WASHC2A: variants seen among roughly 807,000 people sequenced by gnomAD.
WASHC2A encodes the protein WASH complex subunit 2A, also known as WASH complex subunit FAM21A.
A neutral mutation model predicts 140.3 loss-of-function variants in WASHC2A; 82 were observed. The ratio of observed to expected loss-of-function variants is 0.58; its 90% CI spans 0.49 to 0.70. WASHC2A has a LOEUF of 0.70. WASHC2A is among the 30% of genes least tolerant of loss of function. The pLI is 0.00. For synonymous variants in WASHC2A, 340 were observed against 560.8 expected, an observed-to-expected ratio of 0.61 and a Z score of 5.56; for missense variants, 985 against 1,521.8, an observed-to-expected ratio of 0.65 and a Z score of 5.87.
At chr10:50,108,889 G>GAAA (rs1182148936) in intron 19 of WASHC2A, among the ~76,000 whole-genome samples, 40 of 75,582 alleles carry the variant, frequency 5.3e-4, no homozygotes, top group East Asian at 1.7e-3. Context: ...CTCGAAAAAG[G>GAAA]AAAAAAAAAA....
intron 3 of WASHC2A, among the ~76,000 whole-genome samples, chr10:50,071,472 A>AT (rs1837807117): frequency 6.6e-6 from 1 of 151,736 alleles, no homozygotes; most frequent in African/African-American, 2.4e-5. Flanking sequence ...CGCCTGGCTA[A>AT]TTTTTTGTAT....
Position 50,095,643 on chromosome 10 carries a change from G to T in WASHC2A, c.1285G>T (p.Glu429Ter), listed in dbSNP as rs1554884473. 6.2e-7 allele frequency: 1 copy of T among 1,611,726 alleles called. No homozygotes were observed. The highest frequency in any genetic ancestry group is 8.5e-7 in the Non-Finnish European group (1 of 1,179,808). ...TGCTGCCTCCGTTCCATCAATGAAG[G>T]AGCCACAGAAGCCTGAGCAGCCCAC... ...FGAASVPSMKEPQKPEQPTPR... is the reference protein window; with the variant it reads ...FGAASVPSMK The change falls in exon 15 of 31, where the codon GAG (glutamate) becomes TAG (stop). Residue 429 changes from glutamate to a stop codon, truncating the protein, a stop_gained. Coordinates refer to ENST00000282633, the MANE Select transcript of WASHC2A (RefSeq NM_001005751.3). LOFTEE classifies it high-confidence loss of function.
chr10:50,111,934 A>T (rs1842321822), intron 20 of WASHC2A, among the ~76,000 whole-genome samples: 1 of 152,172 alleles, frequency 6.6e-6, no homozygotes, highest in African/African-American at 2.4e-5. Context: ...AGGCTGAGGC[A>T]GGAGAATTGC....
At chr10:50,090,059 G>A (rs1264046962) in intron 8 of WASHC2A, among the ~76,000 whole-genome samples, 1 of 151,582 alleles carries the variant, frequency 6.6e-6, no homozygotes, top group South Asian at 2.1e-4. Flanking sequence ...GCAGTGAGCC[G>A]AGATCACCCC....
At chr10:50,099,107 C>T (rs1461076359) in intron 16 of WASHC2A, among the ~76,000 whole-genome samples, 5 of 152,126 alleles carry the variant, frequency 3.3e-5, no homozygotes, top group South Asian at 4.2e-4. Flanking sequence ...AATCTGTTAG[C>T]GGGCACAAAC....
intron 17 of WASHC2A, 103 bp downstream of exon 17, chr10:50,100,167 T>C (rs1840966540): frequency 1.6e-5 from 23 of 1,446,372 alleles, no homozygotes; most frequent in Non-Finnish European, 2.2e-5. Flanking sequence ...GACTTTTTGT[T>C]AAGTACTCCA....
chr10:50,129,771 G>A lies in WASHC2A; in HGVS notation c.3440G>A (p.Arg1147Lys). 6.2e-7 allele frequency: 1 copy of A among 1,612,034 alleles called. No individual in the cohort carries two copies. The highest frequency in any genetic ancestry group is 1.7e-5 in the Admixed American group (1 of 60,018). The change falls in exon 29 of 31, where the codon AGA becomes AAA. Residue 1147 changes from arginine to lysine, a missense_variant. Transcript: ENST00000282633. ...STGTGSQSVE[R>K]TKPKAKIAEN... ...GGCACTGGATCTCAGTCTGTGGAGA[G>A]AACAAAACCCAAGGCAAAGATAGCA...
chr10:50,130,162 A>C, intron 29 of WASHC2A, 123 bp downstream of exon 29: 2 of 1,265,480 alleles, frequency 1.6e-6, no homozygotes, highest in East Asian at 4.6e-5. Context: ...TTGCTTAGTA[A>C]TTATAATTAG....
intron 10 of WASHC2A, 59 bp downstream of exon 10, chr10:50,091,577 G>A: frequency 6.5e-7 from 1 of 1,539,158 alleles, no homozygotes; most frequent in South Asian, 1.2e-5. Flanking sequence ...CCCTCTGCTG[G>A]CTTCACCAAA....
Position 50,074,201 on chromosome 10 carries a change from T to G in WASHC2A, c.292-4474T>G, listed in dbSNP as rs1463531498. 1.8e-5 allele frequency among the ~76,000 whole-genome samples: 2 copies of G among 108,196 alleles called. 1 individual carries two copies. The highest frequency in any genetic ancestry group is 3.9e-5 in the Non-Finnish European group (2 of 51,464). 71.0% of individuals were successfully genotyped at this position (108,196 alleles called of 152,430 possible). ...CTGGGTATAGCTATCTGACTGTAAA[T>G]TGATCACAAAACACATGAAGCTGTG... On this transcript the variant is annotated intron_variant, in intron 3 of 30. Transcript: ENST00000282633.
intron 3 of WASHC2A, among the ~76,000 whole-genome samples, chr10:50,075,465 T>A (rs1838231220): frequency 6.6e-6 from 1 of 152,056 alleles, no homozygotes; most frequent in African/African-American, 2.4e-5. Flanking sequence ...TGGAGTTCAG[T>A]GGTGGAGACA....
intron 17 of WASHC2A, among the ~76,000 whole-genome samples, chr10:50,103,710 T>C (rs1371938017): frequency 6.6e-6 from 1 of 152,236 alleles, no homozygotes; most frequent in Non-Finnish European, 1.5e-5. Context: ...TGGGAAGCCA[T>C]GCTTATATAT....
intron 6 of WASHC2A, among the ~76,000 whole-genome samples, chr10:50,084,610 T>G (rs1358528741): frequency 3.3e-5 from 5 of 151,716 alleles, no homozygotes; most frequent in African/African-American, 9.7e-5. Flanking sequence ...TTTGTATTTT[T>G]AGTAGAGACG....
intron 13 of WASHC2A, 109 bp downstream of exon 13, chr10:50,094,026 G>C: frequency 7.6e-7 from 1 of 1,323,190 alleles, no homozygotes. Context: ...GTGTTAAGCA[G>C]GAAGCTGTTG....
At chr10:50,116,114 T>TCA (rs1842650966) in intron 21 of WASHC2A, among the ~76,000 whole-genome samples, 1 of 39,390 alleles carries the variant, frequency 2.5e-5, no homozygotes. Flanking sequence ...AGACTCCATC[T>TCA]CAAAAAAAAA....
At chr10:50,094,359 C>T (rs1840235960) in intron 13 of WASHC2A, among the ~76,000 whole-genome samples, 1 of 144,548 alleles carries the variant, frequency 6.9e-6, no homozygotes, top group Admixed American at 7.0e-5. Context: ...CAGGGTTTCA[C>T]CATGTTGGAC....
intron 30 of WASHC2A, among the ~76,000 whole-genome samples, chr10:50,132,568 A>G (rs1844074411): frequency 1.3e-5 from 2 of 152,234 alleles, no homozygotes; most frequent in Admixed American, 6.5e-5. Flanking sequence ...ACACACGCAC[A>G]TACATACACT....
chr10:50,070,887 C>T (rs1375123294), intron 3 of WASHC2A, among the ~76,000 whole-genome samples: 2 of 89,072 alleles, frequency 2.2e-5, no homozygotes, highest in Admixed American at 1.4e-4. Flanking sequence ...CAAAATTAGC[C>T]GGGCATGGTG....
intron 17 of WASHC2A, among the ~76,000 whole-genome samples, chr10:50,101,745 C>T (rs1461953995): frequency 3.9e-5 from 6 of 151,914 alleles, no homozygotes; most frequent in South Asian, 2.1e-4. Context: ...TCTCACAGTT[C>T]GAGAGGTTGA....
Sources: allele counts gnomAD v4.1 joint callset (sites outside exome capture counted in the v4.1 genomes callset), GRCh38; gene constraint gnomAD v4.1.1; transcripts MANE v1.5; gene names NCBI Gene and HGNC (gene_info 2026-07-23, HGNC 2026-07-21).